TRMT11: variants seen among roughly 807,000 people sequenced by gnomAD.
The protein encoded by TRMT11 is tRNA (guanine(10)-N(2))-methyltransferase TRMT11.
Under a neutral mutation model 62.8 loss-of-function variants are expected in TRMT11, and 53 were observed. The observed-to-expected ratio is 0.84, with a 90% CI of 0.68 to 1.06. The LOEUF is 1.06. Ranked by LOEUF, TRMT11 falls within the 50% of genes least tolerant of loss-of-function variation. The probability of loss-of-function intolerance (pLI) is 0.00; values close to 1 mark genes in which losing one functional copy is unlikely to be tolerated. For synonymous variants in TRMT11, 188 were observed against 190.3 expected (o/e 0.99, Z 0.10); for missense variants, 556 against 553.4 (o/e 1.00, Z -0.05).
intron 16 of TRMT11, among the ~76,000 whole-genome samples, chr6:126,044,865 G>T (rs1346186104): frequency 6.6e-6 from 1 of 151,580 alleles, no homozygotes; most frequent in African/African-American, 2.4e-5. Flanking sequence ...CTGGGACTTG[G>T]GTATAAGGAA....
chr6:126,159,834 C>T (rs551296865), intron 21 of TRMT11, among the ~76,000 whole-genome samples: 12 of 152,234 alleles, frequency 7.9e-5, no homozygotes, highest in African/African-American at 2.9e-4. Context: ...TAGCATTCTC[C>T]CTGTGTGTTT....
At chr6:126,151,177 A>G (rs1372859570) in intron 21 of TRMT11, among the ~76,000 whole-genome samples, 1 of 152,126 alleles carries the variant, frequency 6.6e-6, no homozygotes, top group East Asian at 1.9e-4. Context: ...CATATATTGT[A>G]AATGTATGTA....
intron 17 of TRMT11, among the ~76,000 whole-genome samples, chr6:126,111,005 C>T (rs1252658235): frequency 1.3e-5 from 2 of 151,984 alleles, no homozygotes; most frequent in Non-Finnish European, 2.9e-5. Context: ...ATGAGTTTGA[C>T]CCAGGCAGTT....
chr6:126,111,350 T>G (rs898357234), intron 17 of TRMT11, among the ~76,000 whole-genome samples: 2 of 152,076 alleles, frequency 1.3e-5, no homozygotes, highest in Non-Finnish European at 2.9e-5. Context: ...AATGAAGAGA[T>G]AGTTTCTCAG....
At chr6:126,104,240 T>A (rs916435001) in intron 17 of TRMT11, among the ~76,000 whole-genome samples, 2 of 152,100 alleles carry the variant, frequency 1.3e-5, no homozygotes, top group Non-Finnish European at 2.9e-5. Flanking sequence ...CCGTTCAAAG[T>A]GATGTAGTCA....
At chr6:126,020,569 C>T (rs1488800281) in intron 11 of TRMT11, among the ~76,000 whole-genome samples, 1 of 152,156 alleles carries the variant, frequency 6.6e-6, no homozygotes, top group African/African-American at 2.4e-5. Flanking sequence ...TTCATATGAC[C>T]AGAAGACTGA....
At chr6:125,991,090 C>CA (rs1214019316) in intron 1 of TRMT11, among the ~76,000 whole-genome samples, 2 of 151,678 alleles carry the variant, frequency 1.3e-5, no homozygotes, top group East Asian at 3.9e-4. Context: ...ACTAAAAATA[C>CA]AAAAAATTAG....
chr6:126,138,319 T>G (rs9491565), intron 21 of TRMT11, among the ~76,000 whole-genome samples: 39,786 of 151,840 alleles, frequency 0.26, 5,719 homozygotes, highest in Middle Eastern at 0.41. Flanking sequence ...CTTTAAAATC[T>G]TAACAGTCTG....
intron 1 of TRMT11, among the ~76,000 whole-genome samples, chr6:125,991,474 A>G (rs1790618285): frequency 6.7e-6 from 1 of 150,308 alleles, no homozygotes; most frequent in African/African-American, 2.4e-5. Flanking sequence ...TGTTGGTGTG[A>G]GGGGGCGGGA....
chr6:125,998,232 C>G lies in TRMT11; in HGVS notation c.304C>G (p.Leu102Val). 1 of 1,600,568 alleles carries G rather than the reference C, an allele frequency of 6.2e-7. No homozygotes were observed. The highest frequency in any genetic ancestry group is 8.6e-7 in the Non-Finnish European group (1 of 1,168,634). The change falls in exon 5 of 13, where the codon CTA becomes GTA. Residue 102 changes from leucine to valine, a missense_variant. Coordinates refer to ENST00000334379, the MANE Select transcript of TRMT11 (RefSeq NM_001031712.3). Reference sequence around the variant, plus strand: ...TTTCCTTTTATTTTAGGTTCCATTTCTACATTCGGACTCTACATATAAAAT... The same window carrying G: ...TTTCCTTTTATTTTAGGTTCCATTTGTACATTCGGACTCTACATATAAAAT... Reference protein sequence around the residue: ...NYPVEKMVPFLHSDSTYKIKI... With the variant: ...NYPVEKMVPFVHSDSTYKIKI...
intron 21 of TRMT11, among the ~76,000 whole-genome samples, chr6:126,163,921 C>G (rs546717550): frequency 2.0e-5 from 3 of 152,134 alleles, no homozygotes; most frequent in Non-Finnish European, 2.9e-5. Context: ...TTTCAAAAAG[C>G]CTGCTCCTGG....
chr6:126,193,512 T>TTTTTTTTTTTTTTTTTTTG (rs1778629105), intron 1 of TRMT11, among the ~76,000 whole-genome samples: 1 of 145,730 alleles, frequency 6.9e-6, no homozygotes, highest in African/African-American at 2.6e-5. Flanking sequence ...TTTTTTTTTT[T>TTTTTTTTTTTTTTTTTTTG]TTGAGACACA....
chr6:126,047,620 C>T (rs1776096231), intron 16 of TRMT11, among the ~76,000 whole-genome samples: 1 of 152,166 alleles, frequency 6.6e-6, no homozygotes, highest in Admixed American at 6.5e-5. Flanking sequence ...CCTGACTCTC[C>T]ACTGAGCTGG....
chr6:125,993,106 A>G (rs926045321), intron 1 of TRMT11, among the ~76,000 whole-genome samples: 1 of 152,178 alleles, frequency 6.6e-6, no homozygotes, highest in Admixed American at 6.5e-5. Flanking sequence ...CATGAGACCT[A>G]TATGGAAGAG....
intron 17 of TRMT11, among the ~76,000 whole-genome samples, chr6:126,103,756 T>C (rs1777429968): frequency 6.6e-6 from 1 of 152,206 alleles, no homozygotes; most frequent in Non-Finnish European, 1.5e-5. Flanking sequence ...ATTTTCTTCT[T>C]CAAGACAGCT....
intron 1 of TRMT11, chr6:125,987,279 T>A (rs1362794494): frequency 6.6e-6 from 1 of 152,214 alleles, no homozygotes; most frequent in Non-Finnish European, 1.5e-5. Flanking sequence ...GTTGGGGATG[T>A]TGGCCTTTAA....
intron 1 of TRMT11, among the ~76,000 whole-genome samples, chr6:126,179,868 C>G (rs1223198918): frequency 6.6e-6 from 1 of 152,046 alleles, no homozygotes; most frequent in Non-Finnish European, 1.5e-5. Flanking sequence ...TTTTAACTTA[C>G]CTCTAATAAT....
intron 21 of TRMT11, among the ~76,000 whole-genome samples, chr6:126,118,631 C>T (rs1005166204): frequency 4.6e-5 from 7 of 152,040 alleles, no homozygotes; most frequent in Non-Finnish European, 8.8e-5. Flanking sequence ...ACATGGCTAG[C>T]TTTCAAATAT....
chr6:126,207,414 G>A (rs944844061), downstream of TRMT11, among the ~76,000 whole-genome samples: 1 of 152,206 alleles, frequency 6.6e-6, no homozygotes, highest in African/African-American at 2.4e-5. Flanking sequence ...GCAGAGAGAA[G>A]AGCAGGCAGA....
Sources: gnomAD v4.1 joint callset for allele counts (sites outside exome capture counted in the v4.1 genomes callset) on GRCh38, gnomAD v4.1.1 for gene constraint, MANE v1.5 for transcripts, NCBI Gene and HGNC (gene_info 2026-07-23, HGNC 2026-07-21) for gene names.